The following KIF20B variants were observed in gnomAD, a reference collection of about 807,000 sequenced individuals.
The protein encoded by KIF20B is kinesin family member 20B.
KIF20B carries 188 observed loss-of-function variants against 232.5 expected under a neutral mutation model. That is an observed-to-expected ratio of 0.81 (90% CI 0.72 to 0.91). The LOEUF is 0.91. Ranked by LOEUF, KIF20B falls within the 40% of genes least tolerant of loss-of-function variation. KIF20B has a pLI of 0.00. For missense variants in KIF20B, 2,154 were observed against 2,055.9 expected (o/e 1.05, Z -0.92); for synonymous variants, 712 against 683.0 (o/e 1.04, Z -0.66).
rs117564945 is a variant in KIF20B at position 89,738,284 on chromosome 10, C to G, written c.3443C>G (p.Ala1148Gly). 3.7e-6 allele frequency: 6 copies of G among 1,610,650 alleles called. No homozygotes were observed. The East Asian group carries it at 1.3e-4, about 36-fold the overall frequency. Residue 1148 changes from alanine (A) to glycine (G), a missense_variant, in exon 20 of 33, where the codon GCG becomes GGG. Ala to Gly is a moderately conservative substitution (Grantham distance 60). Coordinates refer to ENST00000371728, the MANE Select transcript of KIF20B (RefSeq NM_001284259.2). ...QIQHVVEGKRALSELTQGVTC... is the reference protein window; with the variant it reads ...QIQHVVEGKRGLSELTQGVTC... ...CAGCATGTAGTTGAAGGAAAGAGAG[C>G]GCTTTCAGAACTTACACAAGGTGTT... is the stretch of plus-strand genomic sequence containing the variant.
At chr10:89,709,670 T>A (rs1842798683) in intron 4 of KIF20B, among the ~76,000 whole-genome samples, 1 of 151,232 alleles carries the variant, frequency 6.6e-6, no homozygotes, top group Non-Finnish European at 1.5e-5. Context: ...TACTATATTT[T>A]TATTAAAGTT....
chr10:89,706,085 A>G (rs1474480949), intron 2 of KIF20B, among the ~76,000 whole-genome samples: 1 of 152,162 alleles, frequency 6.6e-6, no homozygotes, highest in Non-Finnish European at 1.5e-5. Flanking sequence ...TAACTACTAA[A>G]CTGTTTTTCA....
chr10:89,768,922 G>A, intron 31 of KIF20B, 34 bp downstream of exon 31: 2 of 1,535,386 alleles, frequency 1.3e-6, no homozygotes, highest in Non-Finnish European at 1.8e-6. Flanking sequence ...ACCTTTTTTT[G>A]TTAGATGTTG....
At position 89,714,978 on chromosome 10, in the gene KIF20B, A is replaced by G; in HGVS notation, c.736A>G (p.Ile246Val). ...AGGAAGTTTAACTAACTCTTTGAAT[A>G]TCTCAGAGTTTGAAGAATCCATAAA... ...LYGSLTNSLN[I>V]SEFEESIKDY... The change falls in exon 8 of 33, where the codon ATC becomes GTC. Residue 246 changes from isoleucine (I) to valine (V), a missense_variant. Physicochemically the swap from Ile to Val is conservative, Grantham distance 29. Coordinates refer to ENST00000371728, the MANE Select transcript of KIF20B (RefSeq NM_001284259.2). 3 of 1,573,060 alleles carry G rather than the reference A, an allele frequency of 1.9e-6. No individual in the cohort carries two copies. The highest frequency in any genetic ancestry group is 2.6e-6 in the Non-Finnish European group (3 of 1,157,524).
rs755324615 is a variant in KIF20B at position 89,738,626 on chromosome 10, A to C, written c.3776+9A>C. ...AGGCAAGAAACAGAAAAGTAAGCTA[A>C]ATGTTATTCAAAATATTTTAAAATA... On this transcript the variant is annotated intron_variant, in intron 20 of 32. Transcript: ENST00000371728. 2.0e-6 allele frequency: 3 copies of C among 1,534,502 alleles called. No homozygotes were observed. The highest frequency in any genetic ancestry group is 2.6e-6 in the Non-Finnish European group (3 of 1,148,518).
At chr10:89,731,720 C>T (rs1447467074) in intron 18 of KIF20B, among the ~76,000 whole-genome samples, 1 of 152,038 alleles carries the variant, frequency 6.6e-6, no homozygotes. Context: ...GAAGGAACAA[C>T]TTGGACTTGT....
chr10:89,727,251 TCC>T (rs11315506), intron 16 of KIF20B, among the ~76,000 whole-genome samples: 64 of 149,074 alleles, frequency 4.3e-4, no homozygotes, highest in African/African-American at 9.4e-4. Flanking sequence ...TTTTCTGTCT[TCC>T]CCCCCCCTTT....
At chr10:89,747,484 T>C (rs10881653) in intron 23 of KIF20B, among the ~76,000 whole-genome samples, 45,539 of 149,898 alleles carry the variant, frequency 0.3, 7,783 homozygotes, top group African/African-American at 0.46. Context: ...TTGGAACCAA[T>C]CCAAATGTCC....
At chr10:89,710,833 T>C (rs7089326) in intron 5 of KIF20B, 128 bp from the exon 6 acceptor site, 162,585 of 600,230 alleles carry the variant, frequency 0.27, 24,352 homozygotes, top group African/African-American at 0.47. Context: ...GAGTAATCCT[T>C]AGCTATCATT....
At chr10:89,703,334 T>C (rs1289728137) in intron 1 of KIF20B, among the ~76,000 whole-genome samples, 1 of 152,142 alleles carries the variant, frequency 6.6e-6, no homozygotes, top group Non-Finnish European at 1.5e-5. Flanking sequence ...TTCAGCCTGA[T>C]CAAGGAAAAA....
At chr10:89,755,923 G>A (rs548786907) in intron 26 of KIF20B, among the ~76,000 whole-genome samples, 21 of 152,244 alleles carry the variant, frequency 1.4e-4, no homozygotes, top group African/African-American at 4.8e-4. Context: ...TTTTCAATAA[G>A]GTAAGGACAG....
intron 21 of KIF20B, among the ~76,000 whole-genome samples, chr10:89,739,490 G>A (rs753893822): frequency 9.2e-5 from 11 of 120,068 alleles, no homozygotes; most frequent in African/African-American, 2.9e-4. Context: ...TATAATAGAT[G>A]TATACAATGA....
chr10:89,717,494 G>A lies in KIF20B; in HGVS notation c.1123G>A (p.Glu375Lys), dbSNP rs1162142113. 4 of 1,594,034 alleles carry A rather than the reference G, an allele frequency of 2.5e-6. No homozygotes were observed. The highest frequency in any genetic ancestry group is 1.3e-5 in the African/African-American group (1 of 74,318). The change falls in exon 10 of 33, where the codon GAA becomes AAA. Residue 375 changes from glutamate (E) to lysine (K), a missense_variant and splice_region_variant. Glu to Lys is a moderately conservative substitution (Grantham distance 56). Coordinates refer to ENST00000371728, the MANE Select transcript of KIF20B (RefSeq NM_001284259.2). ...SEMSRVIRVS[E>K]LSLCDLAGSE... ...AATGTCTCGTGTAATTCGAGTCAGTGAGTAAGTTGAATATTCTTTAAATTT... is the reference window on the plus strand; with the variant it reads ...AATGTCTCGTGTAATTCGAGTCAGTAAGTAAGTTGAATATTCTTTAAATTT...
intron 26 of KIF20B, among the ~76,000 whole-genome samples, chr10:89,758,363 T>C (rs1270972917): frequency 1.3e-5 from 2 of 152,074 alleles, no homozygotes; most frequent in East Asian, 3.8e-4. Context: ...TTCATTTTTC[T>C]GTTGTTTGTT....
At chr10:89,735,637 A>C (rs1841635302) in intron 19 of KIF20B, among the ~76,000 whole-genome samples, 1 of 145,778 alleles carries the variant, frequency 6.9e-6, no homozygotes, top group South Asian at 2.2e-4. Flanking sequence ...TCCTGGGTTC[A>C]AGCCATTCTC....
At chr10:89,755,839 C>T (rs536806738) in intron 26 of KIF20B, among the ~76,000 whole-genome samples, 3 of 152,308 alleles carry the variant, frequency 2.0e-5, no homozygotes, top group African/African-American at 7.2e-5. Context: ...AGCAGTCCTC[C>T]TGCCTCAGCT....
At chr10:89,728,887 A>G (rs1379232340) in intron 17 of KIF20B, among the ~76,000 whole-genome samples, 6 of 147,244 alleles carry the variant, frequency 4.1e-5, no homozygotes, top group African/African-American at 1.5e-4. Context: ...CTTATATGCT[A>G]TATAGCTTCT....
chr10:89,767,318 C>G (rs922079914), intron 29 of KIF20B, among the ~76,000 whole-genome samples: 1 of 151,538 alleles, frequency 6.6e-6, no homozygotes, highest in Non-Finnish European at 1.5e-5. Flanking sequence ...TCTCCTAATG[C>G]TATCCCTCCC....
Position 89,719,524 on chromosome 10 carries a change from A to G in KIF20B, c.1540A>G (p.Asn514Asp), listed in dbSNP as rs761678395. 2.3e-4 allele frequency: 377 copies of G among 1,612,368 alleles called. 5 individuals are homozygous for G. The South Asian group carries it at 2.6e-3, about 11-fold the overall frequency. Residue 514 changes from asparagine (N) to aspartate (D), a missense_variant, in exon 13 of 33, where the codon AAT (asparagine) becomes GAT (aspartate). Coordinates refer to ENST00000371728, the MANE Select transcript of KIF20B (RefSeq NM_001284259.2). Reference sequence around the variant, plus strand: ...CAGTAATTCAAACAGTAAAATATTAAATGTAAAAAGAGCCACCATTTCATG... The same window carrying G: ...CAGTAATTCAAACAGTAAAATATTAGATGTAAAAAGAGCCACCATTTCATG... ...LDSNSNSKIL[N>D]VKRATISWEN...
Sources: allele counts gnomAD v4.1 joint callset (sites outside exome capture counted in the v4.1 genomes callset), GRCh38; gene constraint gnomAD v4.1.1; transcripts MANE v1.5; gene names NCBI Gene and HGNC (gene_info 2026-07-23, HGNC 2026-07-21).